The following DDX10 variants were observed in gnomAD, a reference collection of about 807,000 sequenced individuals.
The protein encoded by DDX10 is DEAD-box helicase 10, also known as probable ATP-dependent RNA helicase DDX10.
DDX10 carries 74 observed loss-of-function variants against 104.3 expected under a neutral mutation model. The ratio of observed to expected loss-of-function variants is 0.71; its 90% CI spans 0.59 to 0.86. DDX10 has a LOEUF of 0.86. Ranked by LOEUF, DDX10 falls within the 40% of genes least tolerant of loss-of-function variation. The probability of loss-of-function intolerance (pLI) is 0.00; values close to 1 mark genes in which losing one functional copy is unlikely to be tolerated. For missense variants in DDX10, 952 were observed against 1,040.0 expected (o/e 0.92, Z 1.16); for synonymous variants, 351 against 353.4 (o/e 0.99, Z 0.08).
chr11:108,863,351 A>C (rs1286783698), intron 16 of DDX10, among the ~76,000 whole-genome samples: 1 of 152,228 alleles, frequency 6.6e-6, no homozygotes, highest in Admixed American at 6.5e-5. Flanking sequence ...AAGTTCTTTT[A>C]TCAAGAATTC....
chr11:108,771,112 G>T (rs1362079569), intron 13 of DDX10, among the ~76,000 whole-genome samples: 1 of 152,098 alleles, frequency 6.6e-6, no homozygotes, highest in Non-Finnish European at 1.5e-5. Context: ...GTGATGTTGA[G>T]CACCTTTTCA....
intron 13 of DDX10, among the ~76,000 whole-genome samples, chr11:108,811,935 A>G (rs889052051): frequency 2.6e-5 from 4 of 152,058 alleles, no homozygotes; most frequent in Admixed American, 1.3e-4. Context: ...GATAGGCATT[A>G]ATTATTGTTA....
chr11:108,813,454 T>C (rs1308194559), intron 13 of DDX10, among the ~76,000 whole-genome samples: 1 of 152,198 alleles, frequency 6.6e-6, no homozygotes, highest in Non-Finnish European at 1.5e-5. Flanking sequence ...ATTCACTCTC[T>C]CTATTGGGAA....
intron 16 of DDX10, among the ~76,000 whole-genome samples, chr11:108,867,141 A>G (rs1863017341): frequency 6.6e-6 from 1 of 152,204 alleles, no homozygotes; most frequent in Admixed American, 6.5e-5. Flanking sequence ...GTCACAGGTT[A>G]TTACCAGCAG....
At chr11:108,896,518 A>G (rs577486337) in intron 16 of DDX10, among the ~76,000 whole-genome samples, 2 of 152,156 alleles carry the variant, frequency 1.3e-5, no homozygotes, top group Non-Finnish European at 2.9e-5. Context: ...TCAGGATGCT[A>G]ACCCATACAT....
At chr11:108,714,744 A>G (rs2094289153) in intron 10 of DDX10, among the ~76,000 whole-genome samples, 1 of 142,426 alleles carries the variant, frequency 7.0e-6, no homozygotes, top group African/African-American at 3.1e-5. Context: ...ATCCATCAGA[A>G]TCTTACTTGT....
chr11:108,813,002 A>T (rs866734202), intron 13 of DDX10, among the ~76,000 whole-genome samples: 1 of 151,158 alleles, frequency 6.6e-6, no homozygotes, highest in Non-Finnish European at 1.5e-5. Context: ...AAGAACAAAC[A>T]TTTACTTTTA....
chr11:108,815,755 A>G (rs971643951), intron 13 of DDX10, among the ~76,000 whole-genome samples: 15 of 152,206 alleles, frequency 9.9e-5, no homozygotes, highest in African/African-American at 3.6e-4. Context: ...GTAAAAATTG[A>G]TGACTAGATA....
intron 11 of DDX10, among the ~76,000 whole-genome samples, chr11:108,716,888 C>T (rs2094292209): frequency 2.0e-5 from 3 of 151,970 alleles, no homozygotes; most frequent in South Asian, 4.1e-4. Flanking sequence ...TATTACCTCA[C>T]ATACTTGTGG....
intron 16 of DDX10, among the ~76,000 whole-genome samples, chr11:108,878,408 G>A (rs918755079): frequency 2.0e-5 from 3 of 152,094 alleles, no homozygotes; most frequent in East Asian, 1.9e-4. Flanking sequence ...GAAAGTTTTC[G>A]TGTCTTTTTT....
intron 14 of DDX10, 106 bp from the exon 15 acceptor site, chr11:108,841,209 G>A (rs1392692387): frequency 2.3e-6 from 2 of 864,640 alleles, no homozygotes; most frequent in Non-Finnish European, 3.6e-6. Context: ...AGATTGTAAG[G>A]CAGAAAATGG....
chr11:108,678,264 G>C, intron 4 of DDX10, 51 bp from the exon 5 acceptor site: 1 of 1,577,968 alleles, frequency 6.3e-7, no homozygotes, highest in African/African-American at 1.4e-5. Flanking sequence ...TTGGTACACA[G>C]GCTGCTGAGA....
chr11:108,907,183 G>C (rs1018662313), intron 16 of DDX10, among the ~76,000 whole-genome samples: 3 of 148,568 alleles, frequency 2.0e-5, no homozygotes, highest in Non-Finnish European at 4.5e-5. Flanking sequence ...GTTTTGGAAT[G>C]ATGAGGAAAA....
intron 16 of DDX10, among the ~76,000 whole-genome samples, chr11:108,902,281 G>A (rs1374365399): frequency 1.3e-5 from 2 of 152,122 alleles, no homozygotes; most frequent in South Asian, 2.1e-4. Context: ...TAATGCTTGT[G>A]GCCAGAGGCT....
intron 13 of DDX10, among the ~76,000 whole-genome samples, chr11:108,725,941 C>G (rs1022627632): frequency 2.6e-5 from 4 of 151,902 alleles, no homozygotes; most frequent in Non-Finnish European, 5.9e-5. Flanking sequence ...ATCCTCTTCA[C>G]CTTAATTTTT....
At chr11:108,815,464 G>T (rs952175292) in intron 13 of DDX10, among the ~76,000 whole-genome samples, 1 of 152,130 alleles carries the variant, frequency 6.6e-6, no homozygotes, top group East Asian at 1.9e-4. Flanking sequence ...GTATACACAG[G>T]TTTTATATCC....
Position 108,858,393 on chromosome 11 carries a change from T to C in DDX10, c.2304+6184T>C, listed in dbSNP as rs561333459. Among the ~76,000 whole-genome samples the C allele has an allele frequency of 2.0e-5, 3 of 152,216 alleles. No homozygotes were observed. In the East Asian group the frequency reaches 5.8e-4, roughly 29 times the overall value. On this transcript the variant is annotated intron_variant, in intron 16 of 17. Transcript: ENST00000322536. ...CACATAATAAATGCTCTGTAGATAT[T>C]TGAATCAGTGAAATGCAACTATATT... is the stretch of plus-strand genomic sequence containing the variant.
intron 10 of DDX10, among the ~76,000 whole-genome samples, chr11:108,712,685 C>T (rs1261427555): frequency 6.6e-6 from 1 of 152,040 alleles, no homozygotes; most frequent in Admixed American, 6.5e-5. Flanking sequence ...CATAATTAAA[C>T]ACGCTGGGGC....
At chr11:108,927,783 G>A (rs1045914173) in intron 17 of DDX10, among the ~76,000 whole-genome samples, 38 of 152,022 alleles carry the variant, frequency 2.5e-4, no homozygotes, top group African/African-American at 8.9e-4. Flanking sequence ...GACTACAGGC[G>A]TGCGCCACCA....
Sources: gnomAD v4.1 joint callset for allele counts (sites outside exome capture counted in the v4.1 genomes callset) on GRCh38, gnomAD v4.1.1 for gene constraint, MANE v1.5 for transcripts, NCBI Gene and HGNC (gene_info 2026-07-23, HGNC 2026-07-21) for gene names.